RHOU: variants seen among roughly 807,000 people sequenced by gnomAD.
RHOU encodes ras homolog family member U, also known as rho-related GTP-binding protein RhoU.
Under a neutral mutation model 12.6 loss-of-function variants are expected in RHOU, and 8 were observed. The observed-to-expected ratio is 0.64, with a 90% CI of 0.37 to 1.15. The LOEUF (loss-of-function observed/expected upper bound fraction) is 1.15, where lower values mean the gene tolerates loss of function less well. RHOU is among the 50% of genes most tolerant of loss of function. RHOU has a pLI of 0.01. For missense variants in RHOU, 258 were observed against 347.0 expected, an observed-to-expected ratio of 0.74 and a Z score of 2.04; for synonymous variants, 161 against 147.4, an observed-to-expected ratio of 1.09 and a Z score of -0.67.
the RHOU span, among the ~76,000 whole-genome samples, chr1:228,658,365 G>A: frequency 2.6e-5 from 4 of 151,328 alleles, no homozygotes; most frequent in East Asian, 1.9e-4. Flanking sequence ...CCTTATGGAC[G>A]AAATTAGAGC....
chr1:228,647,026 C>T, the RHOU span, among the ~76,000 whole-genome samples: 359 of 151,394 alleles, frequency 2.4e-3, 3 homozygotes, highest in Middle Eastern at 0.024. Flanking sequence ...GGGGGAAACC[C>T]AGAAGAGTGA....
At chr1:228,734,461 G>T (rs1662551727), upstream of RHOU, among the ~76,000 whole-genome samples, 1 of 152,192 alleles carries the variant, frequency 6.6e-6, no homozygotes, top group African/African-American at 2.4e-5. Flanking sequence ...TTACTAGCTT[G>T]TGGAATCCCA....
the RHOU span, among the ~76,000 whole-genome samples, chr1:228,707,169 CAT>C: frequency 1.7e-5 from 2 of 115,818 alleles, no homozygotes; most frequent in East Asian, 2.3e-4. Context: ...CATACACACA[CAT>C]ATATTAACAA....
At chr1:228,662,435 T>C in the RHOU span, among the ~76,000 whole-genome samples, 1 of 152,216 alleles carries the variant, frequency 6.6e-6, no homozygotes, top group Non-Finnish European at 1.5e-5. Flanking sequence ...CCAACCCAAA[T>C]GTCCATCAAT....
At chr1:228,685,456 T>C in the RHOU span, among the ~76,000 whole-genome samples, 1 of 152,180 alleles carries the variant, frequency 6.6e-6, no homozygotes, top group East Asian at 1.9e-4. Context: ...GAGCAAATGC[T>C]GTAAAGAGAA....
the RHOU span, chr1:228,650,550 G>A: frequency 4.4e-6 from 2 of 456,906 alleles, no homozygotes; most frequent in Non-Finnish European, 8.8e-6. Context: ...AGAGTGCCCG[G>A]CGGGTTGTCC....
chr1:228,684,604 C>T, the RHOU span, among the ~76,000 whole-genome samples: 6 of 152,158 alleles, frequency 3.9e-5, no homozygotes, highest in Non-Finnish European at 5.9e-5. Context: ...GGATTACAGG[C>T]GTGATCTACT....
Position 228,735,843 on chromosome 1 carries a change from G to A in RHOU, c.101G>A (p.Gly34Glu). The stretch of plus-strand genomic sequence containing the variant: ...GGTGGACGCGGGGGACGCGGGCCTG[G>A]GGAGCCGGGGGGCCGGGGGCGTGCG... ...ERGGRGGRGP[G>E]EPGGRGRAGG... The change falls in exon 1 of 3, where the codon GGG becomes GAG. Residue 34 changes from glycine (G) to glutamate (E), a missense_variant. By Grantham distance (98) the Gly-to-Glu change is moderately conservative. Transcript: ENST00000366691. This position sits in a 1 kb window ranked among gnomAD's most constrained non-coding sequence, Gnocchi z 8.1. 1 of 1,309,026 alleles carries A rather than the reference G, an allele frequency of 7.6e-7. No individual in the cohort carries two copies. Among genetic ancestry groups the A allele is most frequent in the East Asian group, 3.2e-5 (1 of 31,678 alleles). The allele number at this position is 1,309,026 out of a possible 1,614,324, so 81.1% of individuals were successfully genotyped here. A position where few individuals can be genotyped will look rare whatever the true frequency, so the allele number is the denominator to read the frequency against.
chr1:228,705,698 C>A, the RHOU span, among the ~76,000 whole-genome samples: 1 of 152,240 alleles, frequency 6.6e-6, no homozygotes, highest in East Asian at 1.9e-4. Context: ...CCAATCTGAT[C>A]CTGGACCCAG....
chr1:228,695,974 C>T, the RHOU span, among the ~76,000 whole-genome samples: 3,595 of 152,268 alleles, frequency 0.024, 51 homozygotes, highest in African/African-American at 0.037. Flanking sequence ...TCAGTCAACT[C>T]ATTAGCATAA....
At chr1:228,715,261 T>C in the RHOU span, among the ~76,000 whole-genome samples, 3 of 152,152 alleles carry the variant, frequency 2.0e-5, no homozygotes, top group Admixed American at 2.0e-4. Flanking sequence ...CTATGGTTAC[T>C]GCTTTAAATA....
At chr1:228,670,962 G>C in the RHOU span, among the ~76,000 whole-genome samples, 3 of 152,172 alleles carry the variant, frequency 2.0e-5, no homozygotes, top group Non-Finnish European at 4.4e-5. Flanking sequence ...AGAACTGTGA[G>C]TTGATTAAAC....
At chr1:228,727,472 G>A in the RHOU span, among the ~76,000 whole-genome samples, 3 of 151,968 alleles carry the variant, frequency 2.0e-5, no homozygotes, top group Non-Finnish European at 4.4e-5. Context: ...CCCATGCCCA[G>A]CTAATTTTTG....
chr1:228,720,511 T>A, the RHOU span, among the ~76,000 whole-genome samples: 1 of 152,118 alleles, frequency 6.6e-6, no homozygotes, highest in Admixed American at 6.5e-5. Flanking sequence ...TGGGCCCTGA[T>A]CCAATATGAC....
the RHOU span, among the ~76,000 whole-genome samples, chr1:228,677,332 G>T: frequency 1.3e-5 from 2 of 152,094 alleles, no homozygotes; most frequent in African/African-American, 4.8e-5. Context: ...CTAAGAATTG[G>T]GAGCACCCAG....
chr1:228,672,422 C>T, the RHOU span, among the ~76,000 whole-genome samples: 3,060 of 152,260 alleles, frequency 0.02, 104 homozygotes, highest in African/African-American at 0.07. Context: ...TTCGGCCTCC[C>T]AAAGTGCTGG....
At position 228,746,102 on chromosome 1, in the gene RHOU, C is replaced by A. The variant is rs1403115743; in HGVS notation, c.*2362C>A. On this transcript the variant is annotated 3_prime_UTR_variant, in exon 3 of 3. Coordinates refer to ENST00000366691, the MANE Select transcript of RHOU (RefSeq NM_021205.6). Reference sequence around the variant, plus strand: ...TAGTGTTAAAAATCTAGTGGGTTGACCTTTAAATGCAACAGTTTTTAAAAT... The same window carrying A: ...TAGTGTTAAAAATCTAGTGGGTTGAACTTTAAATGCAACAGTTTTTAAAAT... 2.6e-5 allele frequency: 4 copies of A among 152,120 alleles called. No individual in the cohort carries two copies. Among genetic ancestry groups the A allele is most frequent in the African/African-American group, 9.7e-5 (4 of 41,422 alleles). 9.4% of individuals were successfully genotyped at this position (152,120 alleles called of 1,614,324 possible). A position where few individuals can be genotyped will look rare whatever the true frequency, so the allele number is the denominator to read the frequency against.
the RHOU span, among the ~76,000 whole-genome samples, chr1:228,672,297 G>A: frequency 6.6e-6 from 1 of 152,260 alleles, no homozygotes; most frequent in African/African-American, 2.4e-5. Flanking sequence ...GAGTAGCTGG[G>A]ATTACAGGTG....
the RHOU span, among the ~76,000 whole-genome samples, chr1:228,673,540 C>T: frequency 2.6e-5 from 4 of 152,234 alleles, no homozygotes; most frequent in Middle Eastern, 3.4e-3. Context: ...CTCATGGGGA[C>T]GGATTTCCTC....
Sources: allele counts gnomAD v4.1 joint callset (sites outside exome capture counted in the v4.1 genomes callset), GRCh38; gene constraint gnomAD v4.1.1; non-coding constraint Gnocchi (gnomAD v3.1); transcripts MANE v1.5; gene names NCBI Gene and HGNC (gene_info 2026-07-23, HGNC 2026-07-21).